Variants in CNBD1 observed in about 807,000 individuals in gnomAD.
CNBD1 encodes the protein cyclic nucleotide-binding domain-containing protein 1.
CNBD1 carries 71 observed loss-of-function variants against 54.4 expected under a neutral mutation model. The ratio of observed to expected loss-of-function variants is 1.30; its 90% CI spans 1.08 to 1.59. The LOEUF is 1.59. Among genes scored for constraint, CNBD1 ranks in the 40% most tolerant of loss-of-function variants. The pLI, the probability that CNBD1 is intolerant of heterozygous loss-of-function variation, is 0.00. For synonymous variants in CNBD1, 182 were observed against 170.7 expected, an observed-to-expected ratio of 1.07 and a Z score of -0.51; for missense variants, 659 against 518.0, an observed-to-expected ratio of 1.27 and a Z score of -2.64.
chr8:87,209,806 C>A (rs1029126786), intron 5 of CNBD1, among the ~76,000 whole-genome samples: 20 of 152,144 alleles, frequency 1.3e-4, no homozygotes, highest in Non-Finnish European at 2.4e-4. Flanking sequence ...AAACACAAGG[C>A]AATGGCATAA....
rs956327557 is a variant in CNBD1, at chr8:87,109,051, T to G, written c.432-96942T>G. Among the ~76,000 whole-genome samples the G allele has an allele frequency of 1.2e-4, 18 of 152,352 alleles. No individual in the cohort carries two copies. In the East Asian group the frequency reaches 2.9e-3, roughly 24 times the overall value. ...TTTTAACTGACTGAGAAAGTTAATA[T>G]ATTCAGTTTATCCAAATACATAATC... On this transcript the variant is annotated intron_variant, in intron 4 of 10. Transcript: ENST00000518476.
intron 2 of CNBD1, among the ~76,000 whole-genome samples, chr8:87,401,909 G>A (rs1444235627): frequency 6.6e-6 from 1 of 151,912 alleles, no homozygotes; most frequent in Non-Finnish European, 1.5e-5. Context: ...GTGCACAATT[G>A]GCTTAGGAGA....
intron 8 of CNBD1, among the ~76,000 whole-genome samples, chr8:87,319,060 T>A (rs1369177814): frequency 6.6e-6 from 1 of 152,050 alleles, no homozygotes; most frequent in East Asian, 1.9e-4. Context: ...CATAATGGTG[T>A]GTGTTTAATG....
chr8:86,965,565 T>C (rs1250607132), intron 4 of CNBD1, among the ~76,000 whole-genome samples: 1 of 152,140 alleles, frequency 6.6e-6, no homozygotes, highest in Non-Finnish European at 1.5e-5. Flanking sequence ...TTGGCTATTA[T>C]GGAGTTTAGA....
chr8:87,332,936 A>G (rs1809867182), intron 8 of CNBD1, among the ~76,000 whole-genome samples: 1 of 152,106 alleles, frequency 6.6e-6, no homozygotes, highest in Non-Finnish European at 1.5e-5. Context: ...GATGGGAATA[A>G]TATTGAATAT....
intron 5 of CNBD1, among the ~76,000 whole-genome samples, chr8:87,210,310 C>T (rs1471520672): frequency 6.6e-6 from 1 of 152,056 alleles, no homozygotes; most frequent in Non-Finnish European, 1.5e-5. Context: ...CATATAACAG[C>T]AACAACAAGA....
chr8:87,400,837 T>C (rs1398533279), intron 2 of CNBD1, among the ~76,000 whole-genome samples: 3 of 152,038 alleles, frequency 2.0e-5, no homozygotes, highest in Non-Finnish European at 2.9e-5. Flanking sequence ...ATTTCAACTT[T>C]GGCTGCTTAT....
Position 87,180,408 on chromosome 8 carries a change from G to A in CNBD1, c.432-25585G>A, listed in dbSNP as rs192098267. On this transcript the variant is annotated intron_variant, in intron 4 of 10. Transcript: ENST00000518476. ...AGTTTCACCAAAATAAGCCTAATACGTTACTGTGTGTTGTCTTGTATTATT... is the reference window on the plus strand; with the variant it reads ...AGTTTCACCAAAATAAGCCTAATACATTACTGTGTGTTGTCTTGTATTATT... Among the ~76,000 whole-genome samples, 212 of 151,958 alleles carry A rather than the reference G, an allele frequency of 1.4e-3. 4 individuals carry two copies. The highest frequency in any genetic ancestry group is 4.6e-3 in the African/African-American group (191 of 41,464).
At position 86,894,035 on chromosome 8, in the gene CNBD1, A is replaced by ATTTTTTTTTTTTTTT. The variant is rs869060076; in HGVS notation, c.158+6447_158+6461dup. Among the ~76,000 whole-genome samples, 16 of 52,366 alleles carry ATTTTTTTTTTTTTTT rather than the reference A, an allele frequency of 3.1e-4. 5 individuals carry two copies. Among genetic ancestry groups the ATTTTTTTTTTTTTTT allele is most frequent in the East Asian group, 7.0e-4 (1 of 1,422 alleles). The allele number at this position is 52,366 out of a possible 152,430, so 34.4% of individuals were successfully genotyped here. A position where few individuals can be genotyped will look rare whatever the true frequency, so the allele number is the denominator to read the frequency against. On this transcript the variant is annotated intron_variant, in intron 2 of 10. Transcript: ENST00000518476. ...TTTATTCATATATTTTAATAGATTA[A>ATTTTTTTTTTTTTTT]TTTTTTTTTTTTTTTTTTTTTTTTT...
intron 8 of CNBD1, among the ~76,000 whole-genome samples, chr8:87,334,550 T>G (rs1271609960): frequency 6.9e-6 from 1 of 144,934 alleles, no homozygotes. Context: ...GTGCTTTAGC[T>G]GCATCTCAGA....
At chr8:87,179,103 G>T (rs1012649298) in intron 4 of CNBD1, among the ~76,000 whole-genome samples, 2 of 152,078 alleles carry the variant, frequency 1.3e-5, no homozygotes, top group East Asian at 3.9e-4. Flanking sequence ...TAGAGATGGG[G>T]TTTCACCATG....
chr8:87,346,732 A>G (rs1420323159), intron 8 of CNBD1, among the ~76,000 whole-genome samples: 2 of 152,206 alleles, frequency 1.3e-5, no homozygotes, highest in African/African-American at 4.8e-5. Flanking sequence ...CTAAAATAGC[A>G]TCTTATTATA....
Position 87,094,197 on chromosome 8 carries a change from G to A in CNBD1, c.432-111796G>A, listed in dbSNP as rs200996614. ...ACTAAAGGCTTAGGTTGCGCACAAC[G>A]CTCACTTTATCACTTTTTAGCTTTT... On this transcript the variant is annotated intron_variant, in intron 4 of 10. Transcript: ENST00000518476. 7.2e-5 allele frequency among the ~76,000 whole-genome samples: 11 copies of A among 151,982 alleles called. No homozygotes were observed. In the East Asian group the frequency reaches 7.8e-4, roughly 11 times the overall value.
intron 4 of CNBD1, among the ~76,000 whole-genome samples, chr8:87,063,335 A>G (rs1369910471): frequency 6.6e-6 from 1 of 152,228 alleles, no homozygotes; most frequent in Non-Finnish European, 1.5e-5. Context: ...TATGGTCCAT[A>G]TAGATATCTA....
At chr8:87,389,787 C>G (rs1460491570) in intron 2 of CNBD1, among the ~76,000 whole-genome samples, 2 of 152,100 alleles carry the variant, frequency 1.3e-5, no homozygotes, top group Non-Finnish European at 2.9e-5. Flanking sequence ...CCCGCATTGC[C>G]CAGTCAATCC....
At chr8:87,192,949 CA>C (rs1356691919) in intron 4 of CNBD1, among the ~76,000 whole-genome samples, 2 of 152,114 alleles carry the variant, frequency 1.3e-5, no homozygotes, top group African/African-American at 4.8e-5. Flanking sequence ...CATGTGATAA[CA>C]TTAGTGAAAA....
chr8:87,313,772 G>A (rs1297652774), intron 8 of CNBD1, among the ~76,000 whole-genome samples: 4 of 151,600 alleles, frequency 2.6e-5, no homozygotes, highest in Non-Finnish European at 5.9e-5. Flanking sequence ...TAGAAAATAA[G>A]ATTAAATGCT....
At chr8:86,991,888 G>A (rs548037541) in intron 4 of CNBD1, among the ~76,000 whole-genome samples, 14 of 152,120 alleles carry the variant, frequency 9.2e-5, no homozygotes, top group African/African-American at 2.9e-4. Context: ...CTTAGTATGA[G>A]TTCAATTTTC....
At chr8:87,118,971 T>G (rs1248874717) in intron 4 of CNBD1, among the ~76,000 whole-genome samples, 1 of 152,200 alleles carries the variant, frequency 6.6e-6, no homozygotes, top group Non-Finnish European at 1.5e-5. Flanking sequence ...ACATCTAAAC[T>G]CACACAATTA....
Sources: allele counts gnomAD v4.1 joint callset (sites outside exome capture counted in the v4.1 genomes callset), GRCh38; gene constraint gnomAD v4.1.1; transcripts MANE v1.5; gene names NCBI Gene and HGNC (gene_info 2026-07-23, HGNC 2026-07-21).